Variants in VWA8 observed in about 807,000 individuals in gnomAD.
The protein encoded by VWA8 is von Willebrand factor A domain containing 8, also known as von Willebrand factor A domain-containing protein 8.
VWA8 carries 221 observed loss-of-function variants against 241.5 expected under a neutral mutation model. That is an observed-to-expected ratio of 0.91 (90% CI 0.82 to 1.02). The LOEUF (loss-of-function observed/expected upper bound fraction) is 1.02, where lower values mean the gene tolerates loss of function less well. Ranked by LOEUF, VWA8 falls within the 50% of genes least tolerant of loss-of-function variation. The probability of loss-of-function intolerance (pLI) is 0.00; values close to 1 mark genes in which losing one functional copy is unlikely to be tolerated. For synonymous variants in VWA8, 852 were observed against 827.1 expected (o/e 1.03, Z -0.52); for missense variants, 2,322 against 2,328.7 (o/e 1.00, Z 0.06).
At chr13:41,653,827 A>G (rs985455362) in intron 37 of VWA8, among the ~76,000 whole-genome samples, 1 of 152,206 alleles carries the variant, frequency 6.6e-6, no homozygotes, top group Non-Finnish European at 1.5e-5. Flanking sequence ...TCTACTCAAT[A>G]AGTGGTGCTG....
intron 20 of VWA8, among the ~76,000 whole-genome samples, chr13:41,770,383 G>A (rs2045811292): frequency 6.6e-6 from 1 of 150,694 alleles, no homozygotes; most frequent in African/African-American, 2.4e-5. Flanking sequence ...AGAGCTTGCA[G>A]TGAGCCGAGA....
Position 41,612,928 on chromosome 13 carries a change from T to C in VWA8, c.4721-1196A>G, listed in dbSNP as rs2044599373. Among the ~76,000 whole-genome samples, 4 of 152,258 alleles carry C rather than the reference T, an allele frequency of 2.6e-5. 1 individual carries two copies. In the South Asian group the frequency reaches 8.3e-4, roughly 32 times the overall value. On this transcript the variant is annotated intron_variant, in intron 38 of 44. Coordinates refer to ENST00000379310, the MANE Select transcript of VWA8 (RefSeq NM_015058.2). ...TACTAATATTATTTACTTCATGGGATTGTCATGAAGCTAAAATGCTTAGAG... is the reference window on the plus strand; with the variant it reads ...TACTAATATTATTTACTTCATGGGACTGTCATGAAGCTAAAATGCTTAGAG...
chr13:41,749,401 T>A (rs1168645067), intron 21 of VWA8, among the ~76,000 whole-genome samples: 1 of 152,212 alleles, frequency 6.6e-6, no homozygotes, highest in African/African-American at 2.4e-5. Flanking sequence ...CTTTACACTG[T>A]TGGTGGGACT....
intron 16 of VWA8, among the ~76,000 whole-genome samples, chr13:41,813,389 C>T (rs987468433): frequency 6.9e-6 from 1 of 144,476 alleles, no homozygotes; most frequent in African/African-American, 2.4e-5. Flanking sequence ...GAGAAAGAAA[C>T]ATGTATTGAG....
intron 15 of VWA8, among the ~76,000 whole-genome samples, chr13:41,817,288 A>G (rs1398574802): frequency 6.6e-6 from 1 of 152,218 alleles, no homozygotes; most frequent in African/African-American, 2.4e-5. Flanking sequence ...TGTAAAACAC[A>G]TATTTGAGGG....
At chr13:41,776,433 G>C (rs1463869330) in intron 20 of VWA8, among the ~76,000 whole-genome samples, 1 of 152,114 alleles carries the variant, frequency 6.6e-6, no homozygotes, top group Non-Finnish European at 1.5e-5. Flanking sequence ...ACTGTTAACT[G>C]ATCTTCATCT....
chr13:41,597,114 G>T (rs1298496133), intron 40 of VWA8, among the ~76,000 whole-genome samples: 1 of 152,026 alleles, frequency 6.6e-6, no homozygotes, highest in Non-Finnish European at 1.5e-5. Flanking sequence ...AAAGCCTACA[G>T]GATCATCAAG....
intron 1 of VWA8, among the ~76,000 whole-genome samples, chr13:41,954,600 C>G (rs951814619): frequency 6.6e-6 from 1 of 152,152 alleles, no homozygotes; most frequent in Non-Finnish European, 1.5e-5. Context: ...CTGATTTATG[C>G]TTCTGTAATG....
In VWA8 at chr13:41,804,120, C is replaced by T. The variant is rs191172496; in HGVS notation, c.2063+7105G>A. On this transcript the variant is annotated intron_variant, in intron 17 of 44. Coordinates refer to ENST00000379310, the MANE Select transcript of VWA8 (RefSeq NM_015058.2). Reference sequence around the variant, plus strand: ...GGTAGAGAGAGATCAGGGTAGAAGACTTATTCAAAGGCATAATAACAGAGA... The same window carrying T: ...GGTAGAGAGAGATCAGGGTAGAAGATTTATTCAAAGGCATAATAACAGAGA... Among the ~76,000 whole-genome samples, 16 of 152,236 alleles carry T rather than the reference C, an allele frequency of 1.1e-4. No homozygotes were observed. The East Asian group carries it at 3.1e-3, about 29-fold the overall frequency.
chr13:41,934,510 C>A (rs577240330), intron 2 of VWA8, among the ~76,000 whole-genome samples: 16 of 152,110 alleles, frequency 1.1e-4, no homozygotes, highest in Admixed American at 2.0e-4. Flanking sequence ...ATGTTGAGAG[C>A]AGCTTTATTT....
intron 17 of VWA8, among the ~76,000 whole-genome samples, chr13:41,803,177 A>C (rs1870033769): frequency 6.6e-6 from 1 of 152,208 alleles, no homozygotes; most frequent in Non-Finnish European, 1.5e-5. Flanking sequence ...CTCTTTGAAT[A>C]CTTGGAAATC....
chr13:41,568,101 T>G lies in VWA8; in HGVS notation c.*96A>C. ...ATGCCGGAATCATCCAGTCACTGCATGGGTTCACTTCATCCATATCTTCTT... is the reference window on the plus strand; with the variant it reads ...ATGCCGGAATCATCCAGTCACTGCAGGGGTTCACTTCATCCATATCTTCTT... On this transcript the variant is annotated 3_prime_UTR_variant, in exon 45 of 45. Transcript: ENST00000379310. The G allele has an allele frequency of 9.9e-7, 1 of 1,012,682 alleles. No homozygotes were observed. Among genetic ancestry groups the G allele is most frequent in the Non-Finnish European group, 1.5e-6 (1 of 657,862 alleles). 62.7% of individuals were successfully genotyped at this position (1,012,682 alleles called of 1,614,324 possible).
At chr13:41,883,761 G>A (rs1400122614) in intron 8 of VWA8, among the ~76,000 whole-genome samples, 1 of 151,796 alleles carries the variant, frequency 6.6e-6, no homozygotes, top group Non-Finnish European at 1.5e-5. Flanking sequence ...CTTCTTTCTT[G>A]AGCTCTAAAC....
At chr13:41,893,421 C>T (rs1874941983) in intron 4 of VWA8, among the ~76,000 whole-genome samples, 1 of 150,020 alleles carries the variant, frequency 6.7e-6, no homozygotes, top group African/African-American at 2.5e-5. Flanking sequence ...TATTTTAATT[C>T]TCTTCTACCA....
chr13:41,817,654 T>G (rs1870757027), intron 15 of VWA8, among the ~76,000 whole-genome samples: 2 of 152,222 alleles, frequency 1.3e-5, no homozygotes, highest in Non-Finnish European at 1.5e-5. Flanking sequence ...ATGAGGAAAC[T>G]ATGACTGAGT....
At chr13:41,784,699 T>TATACATATACATATACATATACATATAC (rs199691495) in intron 18 of VWA8, among the ~76,000 whole-genome samples, 94 of 37,158 alleles carry the variant, frequency 2.5e-3, no homozygotes, top group Admixed American at 9.7e-3. Context: ...TACATATACA[T>TATACATATACATATACATATACATATAC]ATATATATAT....
chr13:41,721,716 A>T lies in VWA8; in HGVS notation c.2759-141T>A, dbSNP rs2045393914. ...CATCCAACAATAGGATGGTACAGAG[A>T]AGAAAGCAAAAGACTGAAGCAAAAG... On this transcript the variant is annotated intron_variant, in intron 24 of 44. Transcript: ENST00000379310. 3.9e-6 allele frequency: 3 copies of T among 770,374 alleles called. No individual in the cohort carries two copies. In the East Asian group the frequency reaches 8.3e-5, roughly 21 times the overall value. 47.7% of individuals were successfully genotyped at this position (770,374 alleles called of 1,614,324 possible).
chr13:41,837,862 C>T (rs1051445720), intron 12 of VWA8, among the ~76,000 whole-genome samples: 2 of 152,128 alleles, frequency 1.3e-5, no homozygotes, highest in African/African-American at 4.8e-5. Context: ...AAAAATAGCA[C>T]TAATGATATC....
At chr13:41,600,385 T>C (rs902518944) in intron 40 of VWA8, among the ~76,000 whole-genome samples, 2 of 152,118 alleles carry the variant, frequency 1.3e-5, no homozygotes, top group Non-Finnish European at 2.9e-5. Flanking sequence ...TCTTGAGTGA[T>C]GAGCCATTCA....
Sources: gnomAD v4.1 joint callset for allele counts (sites outside exome capture counted in the v4.1 genomes callset) on GRCh38, gnomAD v4.1.1 for gene constraint, MANE v1.5 for transcripts, NCBI Gene and HGNC (gene_info 2026-07-23, HGNC 2026-07-21) for gene names.